CCNY: variants seen among roughly 807,000 people sequenced by gnomAD.
The protein encoded by CCNY is cyclin Y.
In CCNY, 19 loss-of-function variants were observed where a neutral mutation model predicts 42.8. That is an observed-to-expected ratio of 0.44 (90% CI 0.31 to 0.65). The LOEUF (loss-of-function observed/expected upper bound fraction) is 0.65, where lower values mean the gene tolerates loss of function less well. Ranked by LOEUF, CCNY falls within the 30% of genes least tolerant of loss-of-function variation. The pLI is 0.07. For synonymous variants in CCNY, 165 were observed against 162.7 expected, an observed-to-expected ratio of 1.01 and a Z score of -0.11; for missense variants, 370 against 437.3, an observed-to-expected ratio of 0.85 and a Z score of 1.37.
chr10:35,301,858 C>T (rs1835537620), intron 3 of CCNY, among the ~76,000 whole-genome samples: 3 of 152,218 alleles, frequency 2.0e-5, no homozygotes, highest in Non-Finnish European at 2.9e-5. Context: ...GTTTCAAACT[C>T]CTGGGCTCAA....
intron 3 of CCNY, among the ~76,000 whole-genome samples, chr10:35,513,499 A>G (rs1840363691): frequency 6.6e-6 from 1 of 152,112 alleles, no homozygotes; most frequent in South Asian, 2.1e-4. Context: ...TGCTTTTTTG[A>G]CCTGTTTAAC....
chr10:35,554,171 G>A (rs1236084538), intron 8 of CCNY, among the ~76,000 whole-genome samples: 2 of 152,098 alleles, frequency 1.3e-5, no homozygotes, highest in Non-Finnish European at 2.9e-5. Flanking sequence ...CACTGCAGGG[G>A]TGTCCCTGGG....
chr10:35,440,126 CG>C (rs1179249270), intron 1 of CCNY, among the ~76,000 whole-genome samples: 2 of 151,812 alleles, frequency 1.3e-5, no homozygotes, highest in Non-Finnish European at 2.9e-5. Flanking sequence ...TCGTTTTTGG[CG>C]CCTGTGGAGT....
intron 7 of CCNY, among the ~76,000 whole-genome samples, chr10:35,547,773 G>C (rs893724027): frequency 1.3e-5 from 2 of 152,110 alleles, no homozygotes; most frequent in Admixed American, 1.3e-4. Context: ...AGCACGCTCT[G>C]CCGGCCCCTG....
intron 2 of CCNY, among the ~76,000 whole-genome samples, chr10:35,497,150 T>C (rs1346927919): frequency 1.3e-5 from 2 of 152,220 alleles, no homozygotes; most frequent in East Asian, 3.8e-4. Flanking sequence ...GCCTGTTTTC[T>C]CTAAAGAAGC....
chr10:35,377,532 C>T (rs1295814870), intron 1 of CCNY, among the ~76,000 whole-genome samples: 6 of 152,224 alleles, frequency 3.9e-5, no homozygotes, highest in South Asian at 2.1e-4. Flanking sequence ...CACTCTATGA[C>T]GTTTGCACAG....
chr10:35,500,743 G>C (rs1388993864), intron 2 of CCNY, among the ~76,000 whole-genome samples: 13 of 152,228 alleles, frequency 8.5e-5, no homozygotes, highest in Admixed American at 7.2e-4. Context: ...CCCTGTGACT[G>C]ACCCTTCTAC....
At chr10:35,452,898 A>C (rs766310828) in intron 1 of CCNY, among the ~76,000 whole-genome samples, 2 of 152,110 alleles carry the variant, frequency 1.3e-5, no homozygotes, top group Non-Finnish European at 2.9e-5. Context: ...AACCACTGTC[A>C]CCAAAACAAT....
upstream of CCNY, among the ~76,000 whole-genome samples, chr10:35,333,881 G>A (rs1033680207): frequency 3.9e-5 from 6 of 152,124 alleles, no homozygotes; most frequent in Non-Finnish European, 5.9e-5. Flanking sequence ...TAGGGTGGAT[G>A]AGTTGTGGGG....
intron 3 of CCNY, chr10:35,321,133 T>TACACAC (rs1255290565): frequency 7.8e-6 from 1 of 128,698 alleles, no homozygotes; most frequent in African/African-American, 2.8e-5. Flanking sequence ...AAAAAAAAAA[T>TACACAC]ACACACACAC....
chr10:35,466,531 GTGTGTCCGCC>G (rs1434984390), intron 1 of CCNY, among the ~76,000 whole-genome samples: 1 of 152,170 alleles, frequency 6.6e-6, no homozygotes, highest in African/African-American at 2.4e-5. Flanking sequence ...GAGTTCTCAG[GTGTGTCCGCC>G]TGTGCCTGTG....
chr10:35,349,507 C>T (rs1376967654), intron 1 of CCNY, among the ~76,000 whole-genome samples: 1 of 152,212 alleles, frequency 6.6e-6, no homozygotes, highest in East Asian at 1.9e-4. Context: ...GTTGGCGATA[C>T]ACTTCTTAGT....
chr10:35,371,886 T>C (rs1719747990), intron 1 of CCNY, among the ~76,000 whole-genome samples: 1 of 152,216 alleles, frequency 6.6e-6, no homozygotes, highest in Non-Finnish European at 1.5e-5. Flanking sequence ...CCATGAAGAC[T>C]GAGCAAGTTT....
At chr10:35,271,528 C>G (rs1025929120) in intron 3 of CCNY, among the ~76,000 whole-genome samples, 5 of 152,168 alleles carry the variant, frequency 3.3e-5, no homozygotes, top group African/African-American at 1.2e-4. Context: ...ACAAGGCCAG[C>G]CCTCAGGAGA....
At position 35,466,392 on chromosome 10, in the gene CCNY, G is replaced by A. The variant is rs1006173958; in HGVS notation, c.155-17012G>A. Among the ~76,000 whole-genome samples, 4 of 152,302 alleles carry A rather than the reference G, an allele frequency of 2.6e-5. No individual in the cohort carries two copies. In the East Asian group the frequency reaches 5.8e-4, roughly 22 times the overall value. ...ATTGTGTGGTGGCAAAGTTGCTGGAGCAGAAAGTGTGCGGTGAAGAGATAC... is the reference window on the plus strand; with the variant it reads ...ATTGTGTGGTGGCAAAGTTGCTGGAACAGAAAGTGTGCGGTGAAGAGATAC... On this transcript the variant is annotated intron_variant, in intron 1 of 9. Coordinates refer to ENST00000374704, the MANE Select transcript of CCNY (RefSeq NM_145012.6).
At chr10:35,452,676 T>C (rs948743890) in intron 1 of CCNY, among the ~76,000 whole-genome samples, 2 of 151,718 alleles carry the variant, frequency 1.3e-5, no homozygotes, top group African/African-American at 4.8e-5. Flanking sequence ...AAAAACTGTA[T>C]GTGTCAGTAT....
In CCNY at chr10:35,570,229, A is replaced by T. The variant is rs1841660565; in HGVS notation, c.*1059A>T. 1 of 152,608 alleles carries T rather than the reference A, an allele frequency of 6.6e-6. No homozygotes were observed. Among genetic ancestry groups the T allele is most frequent in the South Asian group, 2.1e-4 (1 of 4,828 alleles). 9.5% of individuals were successfully genotyped at this position (152,608 alleles called of 1,614,324 possible). ...AAATTTTTAAAAAATCTAAAAGAAA[A>T]AGAAAAAAAACAAGGGTGGGTTGGG... On this transcript the variant is annotated 3_prime_UTR_variant, in exon 10 of 10. Coordinates refer to ENST00000374704, the MANE Select transcript of CCNY (RefSeq NM_145012.6).
chr10:35,276,641 C>G (rs1423086883), intron 3 of CCNY, among the ~76,000 whole-genome samples: 1 of 152,216 alleles, frequency 6.6e-6, no homozygotes, highest in Non-Finnish European at 1.5e-5. Flanking sequence ...CTGCCTCGGC[C>G]TCCCAAAGTG....
intron 1 of CCNY, among the ~76,000 whole-genome samples, chr10:35,392,185 A>G (rs1837428294): frequency 6.6e-6 from 1 of 152,226 alleles, no homozygotes; most frequent in Non-Finnish European, 1.5e-5. Flanking sequence ...CATCCATTTC[A>G]TACTTAATAT....
Sources: gnomAD v4.1 joint callset for allele counts (sites outside exome capture counted in the v4.1 genomes callset) on GRCh38, gnomAD v4.1.1 for gene constraint, MANE v1.5 for transcripts, NCBI Gene and HGNC (gene_info 2026-07-23, HGNC 2026-07-21) for gene names.